GABBR2: variants seen among roughly 807,000 people sequenced by gnomAD.
The protein encoded by GABBR2 is gamma-aminobutyric acid type B receptor subunit 2.
Under a neutral mutation model 105.6 loss-of-function variants are expected in GABBR2, and 23 were observed. The observed-to-expected ratio is 0.22, with a 90% confidence interval of 0.16 to 0.31. The LOEUF (loss-of-function observed/expected upper bound fraction) is 0.31. Ranked by LOEUF, GABBR2 falls within the 10% of genes least tolerant of loss-of-function variation. The pLI is 1.00. For missense variants in GABBR2, 734 were observed against 1,245.5 expected, an observed-to-expected ratio of 0.59 and a Z score of 6.18; for synonymous variants, 478 against 499.7, an observed-to-expected ratio of 0.96 and a Z score of 0.58.
At chr9:98,351,387 TTTC>T (rs1831396686) in intron 13 of GABBR2, among the ~76,000 whole-genome samples, 1 of 145,692 alleles carries the variant, frequency 6.9e-6, no homozygotes, top group African/African-American at 2.5e-5. Flanking sequence ...TTTCTTTCTC[TTTC>T]TTATTCGTGT....
rs189215360 is a variant in GABBR2, at chr9:98,310,123, G to A, written c.2004+972C>T. Among the ~76,000 whole-genome samples, 350 of 152,328 alleles carry A rather than the reference G, an allele frequency of 2.3e-3. 1 individual carries two copies. The highest frequency in any genetic ancestry group is 3.8e-3 in the Non-Finnish European group (260 of 68,030). On this transcript the variant is annotated intron_variant, in intron 14 of 18. Coordinates refer to ENST00000259455, the MANE Select transcript of GABBR2 (RefSeq NM_005458.8). The stretch of plus-strand genomic sequence containing the variant: ...TTGTGTCACTAGATGGCTTTCAGTG[G>A]AAGCATGGTTTATATAGGATATAGG...
intron 7 of GABBR2, among the ~76,000 whole-genome samples, chr9:98,420,596 G>A (rs1201653738): frequency 6.6e-6 from 1 of 152,244 alleles, no homozygotes; most frequent in African/African-American, 2.4e-5. Flanking sequence ...GGAGGAGACA[G>A]ACCTATAGAT....
intron 3 of GABBR2, among the ~76,000 whole-genome samples, chr9:98,508,931 C>T (rs1193104884): frequency 6.6e-6 from 1 of 152,196 alleles, no homozygotes; most frequent in Non-Finnish European, 1.5e-5. Context: ...GTGGTTCTCC[C>T]AGCATGCAGC....
At chr9:98,300,243 A>G (rs930431645) in intron 16 of GABBR2, among the ~76,000 whole-genome samples, 19 of 151,734 alleles carry the variant, frequency 1.3e-4, no homozygotes, top group Non-Finnish European at 2.2e-4. Flanking sequence ...TGAGCCTCAC[A>G]CTATCATGGA....
chr9:98,533,869 G>A (rs1022203447), intron 3 of GABBR2, among the ~76,000 whole-genome samples: 1 of 152,214 alleles, frequency 6.6e-6, no homozygotes, highest in Non-Finnish European at 1.5e-5. Flanking sequence ...AGGTGAGACA[G>A]AGGAGGAGGC....
chr9:98,466,276 A>C (rs1175532227), intron 6 of GABBR2, among the ~76,000 whole-genome samples: 2 of 152,226 alleles, frequency 1.3e-5, no homozygotes, highest in African/African-American at 4.8e-5. Context: ...TGTGGAGTTC[A>C]AAAGTTCAAA....
rs568292323 is a variant in GABBR2, at chr9:98,289,710, C to G, written c.*874G>C. On this transcript the variant is annotated 3_prime_UTR_variant, in exon 19 of 19. Coordinates refer to ENST00000259455, the MANE Select transcript of GABBR2 (RefSeq NM_005458.8). ...GTTAAAGTGCACAATCTTTCTTTAT[C>G]GTGTTTGCTGGGAACAGACATTCCA... is the stretch of plus-strand genomic sequence containing the variant. 1 of 152,476 alleles carries G rather than the reference C, an allele frequency of 6.6e-6. No homozygotes were observed. The highest frequency in any genetic ancestry group is 1.5e-5 in the Non-Finnish European group (1 of 68,042). 9.4% of individuals were successfully genotyped at this position (152,476 alleles called of 1,614,324 possible).
intron 1 of GABBR2, among the ~76,000 whole-genome samples, chr9:98,706,685 G>C (rs1424882646): frequency 6.6e-6 from 1 of 152,200 alleles, no homozygotes; most frequent in African/African-American, 2.4e-5. Flanking sequence ...AACTGATGAT[G>C]AAAACATTAT....
chr9:98,417,000 A>C (rs1264345282), intron 7 of GABBR2, among the ~76,000 whole-genome samples: 1 of 152,090 alleles, frequency 6.6e-6, no homozygotes, highest in African/African-American at 2.4e-5. Flanking sequence ...TCCCCTGTTC[A>C]TGTCCTCTTT....
At chr9:98,654,541 C>T (rs575428457) in intron 1 of GABBR2, among the ~76,000 whole-genome samples, 5 of 152,218 alleles carry the variant, frequency 3.3e-5, no homozygotes, top group Admixed American at 1.3e-4. Flanking sequence ...GTCAAACAAG[C>T]GGATGGGTGC....
intron 1 of GABBR2, among the ~76,000 whole-genome samples, chr9:98,662,371 T>C (rs1830275237): frequency 6.6e-6 from 1 of 152,078 alleles, no homozygotes; most frequent in Admixed American, 6.5e-5. Context: ...GAACTTGGAA[T>C]CAGATGGCTG....
intron 3 of GABBR2, among the ~76,000 whole-genome samples, chr9:98,513,359 G>A (rs1315340330): frequency 2.6e-5 from 4 of 152,138 alleles, no homozygotes; most frequent in African/African-American, 2.4e-5. Flanking sequence ...AGGACTTCAT[G>A]TCTAAAACAC....
chr9:98,676,209 G>A (rs1830475559), intron 1 of GABBR2, among the ~76,000 whole-genome samples: 1 of 152,216 alleles, frequency 6.6e-6, no homozygotes, highest in Admixed American at 6.5e-5. Context: ...TGCAAGGAAG[G>A]GGCCATGTGC....
intron 3 of GABBR2, among the ~76,000 whole-genome samples, chr9:98,504,406 T>A (rs1422043002): frequency 6.6e-6 from 1 of 152,132 alleles, no homozygotes; most frequent in Non-Finnish European, 1.5e-5. Context: ...GGCCAGTAGT[T>A]CCCCAGACAA....
At chr9:98,359,321 G>T (rs1831541178) in intron 13 of GABBR2, among the ~76,000 whole-genome samples, 1 of 152,064 alleles carries the variant, frequency 6.6e-6, no homozygotes, top group Non-Finnish European at 1.5e-5. Flanking sequence ...CCAGCTACTT[G>T]GGAGGCTGAG....
intron 3 of GABBR2, among the ~76,000 whole-genome samples, chr9:98,534,923 A>G (rs534581273): frequency 6.6e-6 from 1 of 152,344 alleles, no homozygotes; most frequent in South Asian, 2.1e-4. Context: ...AATCCTGCGC[A>G]TGGATGTTTA....
At chr9:98,670,667 T>G (rs1830396085) in intron 1 of GABBR2, among the ~76,000 whole-genome samples, 1 of 152,200 alleles carries the variant, frequency 6.6e-6, no homozygotes, top group African/African-American at 2.4e-5. Context: ...AAAGAAATTC[T>G]GACATATGCT....
At chr9:98,322,651 C>T (rs1393466735) in intron 13 of GABBR2, among the ~76,000 whole-genome samples, 1 of 151,406 alleles carries the variant, frequency 6.6e-6, no homozygotes, top group African/African-American at 2.4e-5. Flanking sequence ...CAGTCTCAGC[C>T]ATGAGTCAGT....
chr9:98,694,005 A>T (rs1292703552), intron 1 of GABBR2, among the ~76,000 whole-genome samples: 1 of 152,178 alleles, frequency 6.6e-6, no homozygotes, highest in Non-Finnish European at 1.5e-5. Flanking sequence ...CTCAAGCCAG[A>T]TTCATCATTT....
Sources: gnomAD v4.1 joint callset for allele counts (sites outside exome capture counted in the v4.1 genomes callset) on GRCh38, gnomAD v4.1.1 for gene constraint, MANE v1.5 for transcripts, NCBI Gene and HGNC (gene_info 2026-07-23, HGNC 2026-07-21) for gene names.